FAT3: variants seen among roughly 807,000 people sequenced by gnomAD.
The protein encoded by FAT3 is FAT atypical cadherin 3, also known as protocadherin Fat 3.
Under a neutral mutation model 310.2 loss-of-function variants are expected in FAT3, and 95 were observed. The ratio of observed to expected loss-of-function variants is 0.31; its 90% CI spans 0.26 to 0.36. FAT3 has a LOEUF of 0.36. Ranked by LOEUF, FAT3 falls within the 10% of genes least tolerant of loss-of-function variation. FAT3 has a pLI of 1.00. For synonymous variants in FAT3, 2,314 were observed against 2,192.9 expected (o/e 1.06, Z -1.54); for missense variants, 5,408 against 5,715.6 (o/e 0.95, Z 1.74).
intron 4 of FAT3, among the ~76,000 whole-genome samples, chr11:92,735,912 G>A (rs890512948): frequency 3.9e-5 from 6 of 152,048 alleles, no homozygotes; most frequent in Non-Finnish European, 8.8e-5. Context: ...TAACATCTCT[G>A]TGAGGTAGAT....
chr11:92,589,136 T>C (rs555852642), intron 3 of FAT3, among the ~76,000 whole-genome samples: 164 of 152,150 alleles, frequency 1.1e-3, no homozygotes, highest in African/African-American at 3.6e-3. Context: ...GTCATAGGCA[T>C]GTCCATGTTC....
intron 1 of FAT3, among the ~76,000 whole-genome samples, chr11:92,247,840 G>A (rs1348029575): frequency 6.6e-6 from 1 of 151,254 alleles, no homozygotes; most frequent in African/African-American, 2.4e-5. Context: ...ATTGTGGCAT[G>A]AGCCTGTTGT....
chr11:92,415,286 T>A (rs1950383341), intron 2 of FAT3, among the ~76,000 whole-genome samples: 1 of 152,234 alleles, frequency 6.6e-6, no homozygotes, highest in Non-Finnish European at 1.5e-5. Flanking sequence ...TCTAGTTTAT[T>A]CAGCAGTGAG....
At chr11:92,707,248 C>T (rs369522650) in intron 4 of FAT3, among the ~76,000 whole-genome samples, 4 of 152,198 alleles carry the variant, frequency 2.6e-5, no homozygotes, top group South Asian at 2.1e-4. Context: ...CCAGTGGCTC[C>T]GCCTGGCAAT....
chr11:92,356,214 T>C (rs1259787746), intron 2 of FAT3, among the ~76,000 whole-genome samples: 1 of 152,232 alleles, frequency 6.6e-6, no homozygotes, highest in East Asian at 1.9e-4. Context: ...CATCTCTTTG[T>C]GTATGTGTGT....
intron 1 of FAT3, among the ~76,000 whole-genome samples, chr11:92,326,013 A>G (rs1947753991): frequency 6.6e-6 from 1 of 152,228 alleles, no homozygotes; most frequent in South Asian, 2.1e-4. Context: ...CTCTCAAGCC[A>G]TATCCATGTT....
chr11:92,425,777 C>A (rs1355748885), intron 2 of FAT3, among the ~76,000 whole-genome samples: 2 of 152,130 alleles, frequency 1.3e-5, no homozygotes, highest in African/African-American at 4.8e-5. Flanking sequence ...TTTATTTGGT[C>A]TATCACTGAT....
intron 2 of FAT3, among the ~76,000 whole-genome samples, chr11:92,425,627 C>G (rs1374968604): frequency 6.6e-6 from 1 of 151,932 alleles, no homozygotes; most frequent in Admixed American, 6.6e-5. Flanking sequence ...TTAGTGAGAA[C>G]ATGTGGTGTT....
chr11:92,794,483 T>C (rs944546647), intron 9 of FAT3, among the ~76,000 whole-genome samples: 1 of 152,220 alleles, frequency 6.6e-6, no homozygotes, highest in Non-Finnish European at 1.5e-5. Flanking sequence ...TTTTTATATT[T>C]GTCATTAAGC....
At chr11:92,492,271 C>CCATCCATCCATCCATCCATT (rs1952625237) in intron 2 of FAT3, among the ~76,000 whole-genome samples, 2 of 151,716 alleles carry the variant, frequency 1.3e-5, no homozygotes, top group African/African-American at 4.8e-5. Flanking sequence ...ATCCATCCAT[C>CCATCCATCCATCCATCCATT]CATCCATCCA....
At chr11:92,752,586 A>G (rs929084692) in intron 4 of FAT3, among the ~76,000 whole-genome samples, 1 of 152,232 alleles carries the variant, frequency 6.6e-6, no homozygotes, top group Non-Finnish European at 1.5e-5. Context: ...GTAACATGAA[A>G]TTTAGTAGAG....
In FAT3 at chr11:92,352,350, A is replaced by C; in HGVS notation, c.238A>C (p.Lys80Gln). ...ITLIDLSWDI[K>Q]YRIVSGDEEG... ...CTTAATAGATCTATCCTGGGATATC[A>C]AATACAGAATAGTGTCCGGAGACGA... Residue 80 changes from lysine (K) to glutamine (Q), a missense_variant, in exon 2 of 28, where the codon AAA becomes CAA. Coordinates refer to ENST00000525166, the MANE Select transcript of FAT3 (RefSeq NM_001367949.2). 2 of 1,592,024 alleles carry C rather than the reference A, an allele frequency of 1.3e-6. No individual in the cohort carries two copies. Among genetic ancestry groups the C allele is most frequent in the Non-Finnish European group, 1.7e-6 (2 of 1,166,612 alleles).
At chr11:92,704,743 A>T (rs1373110166) in intron 4 of FAT3, among the ~76,000 whole-genome samples, 2 of 152,108 alleles carry the variant, frequency 1.3e-5, no homozygotes, top group Non-Finnish European at 2.9e-5. Flanking sequence ...TGAAAAAACA[A>T]ATTTCTGTCA....
intron 4 of FAT3, among the ~76,000 whole-genome samples, chr11:92,710,498 C>A (rs1337572443): frequency 6.6e-6 from 1 of 152,132 alleles, no homozygotes; most frequent in Non-Finnish European, 1.5e-5. Context: ...AATATTACAG[C>A]CTTGTTGGCA....
At chr11:92,614,210 T>C (rs193143853) in intron 3 of FAT3, among the ~76,000 whole-genome samples, 1 of 152,316 alleles carries the variant, frequency 6.6e-6, no homozygotes, top group East Asian at 1.9e-4. Context: ...GCTATGAACA[T>C]TCATGTACAA....
At chr11:92,758,856 C>T (rs1027491826) in intron 4 of FAT3, among the ~76,000 whole-genome samples, 5 of 152,058 alleles carry the variant, frequency 3.3e-5, no homozygotes, top group African/African-American at 1.2e-4. Flanking sequence ...AGAGGGATGC[C>T]TAGGATTCTA....
intron 2 of FAT3, among the ~76,000 whole-genome samples, chr11:92,494,602 G>C (rs1423164529): frequency 6.6e-6 from 1 of 151,924 alleles, no homozygotes; most frequent in Non-Finnish European, 1.5e-5. Flanking sequence ...TAGCATAAGA[G>C]TTTCCGTTAT....
chr11:92,772,412 A>C (rs1946482222), intron 6 of FAT3, among the ~76,000 whole-genome samples: 1 of 152,088 alleles, frequency 6.6e-6, no homozygotes, highest in Admixed American at 6.6e-5. Flanking sequence ...CACTCAAATC[A>C]GCCTTCCATT....
chr11:92,230,674 G>A (rs1260976078), intron 1 of FAT3, among the ~76,000 whole-genome samples: 1 of 152,130 alleles, frequency 6.6e-6, no homozygotes, highest in Non-Finnish European at 1.5e-5. Context: ...ACAAGACAGT[G>A]GGCAAGATTC....
Sources: allele counts gnomAD v4.1 joint callset (sites outside exome capture counted in the v4.1 genomes callset), GRCh38; gene constraint gnomAD v4.1.1; transcripts MANE v1.5; gene names NCBI Gene and HGNC (gene_info 2026-07-23, HGNC 2026-07-21).